Variants in DLG2 observed in about 807,000 individuals in gnomAD.
The protein encoded by DLG2 is discs large MAGUK scaffold protein 2.
In DLG2, 45 loss-of-function variants were observed where a neutral mutation model predicts 132.5. The ratio of observed to expected loss-of-function variants is 0.34; its 90% CI spans 0.27 to 0.44. The LOEUF is 0.44. Among genes scored for constraint, DLG2 ranks in the 20% least tolerant of loss-of-function variants. DLG2 has a pLI of 1.00. For synonymous variants in DLG2, 424 were observed against 419.6 expected (o/e 1.01, Z -0.13); for missense variants, 1,045 against 1,196.9 (o/e 0.87, Z 1.87).
chr11:83,892,158 ATCT>A (rs1195229961), intron 15 of DLG2, among the ~76,000 whole-genome samples: 2 of 152,310 alleles, frequency 1.3e-5, no homozygotes, highest in East Asian at 1.9e-4. Context: ...TGTTCACCTA[ATCT>A]TCTACTTATT....
At chr11:85,593,482 C>T (rs1465780619) in intron 3 of DLG2, among the ~76,000 whole-genome samples, 3 of 152,054 alleles carry the variant, frequency 2.0e-5, no homozygotes, top group Non-Finnish European at 2.9e-5. Flanking sequence ...GTGCTGAGGT[C>T]CAAGAACCAC....
intron 9 of DLG2, among the ~76,000 whole-genome samples, chr11:84,123,590 A>C (rs2094024741): frequency 6.6e-6 from 1 of 152,136 alleles, no homozygotes; most frequent in Non-Finnish European, 1.5e-5. Context: ...CTTACATTCA[A>C]TCCAACTCTG....
intron 6 of DLG2, among the ~76,000 whole-genome samples, chr11:84,780,312 T>C (rs1291413756): frequency 1.3e-5 from 2 of 151,882 alleles, no homozygotes; most frequent in Non-Finnish European, 1.5e-5. Context: ...AGAAAAAGCA[T>C]TTAATAAAAT....
chr11:85,244,303 A>G (rs2076032466), intron 4 of DLG2, among the ~76,000 whole-genome samples: 1 of 151,990 alleles, frequency 6.6e-6, no homozygotes, highest in Non-Finnish European at 1.5e-5. Context: ...TTCAGTCATC[A>G]TTGGCTAGTG....
chr11:84,319,564 A>C (rs2098391865), intron 7 of DLG2, among the ~76,000 whole-genome samples: 1 of 152,186 alleles, frequency 6.6e-6, no homozygotes, highest in Non-Finnish European at 1.5e-5. Flanking sequence ...TGCATCCATC[A>C]CAACTTTGTA....
Position 83,532,760 on chromosome 11 carries a change from C to A in DLG2, c.2141G>T (p.Arg714Leu). Residue 714 changes from arginine to leucine, a missense_variant, in exon 21 of 28, where the codon CGA becomes CTA. Physicochemically the swap from Arg to Leu is moderately radical, Grantham distance 102. This residue lies in a region of DLG2 where 398 missense variants were observed against 543.6 expected (regional missense o/e 0.73). Transcript: ENST00000376104. ...GGCATTAAACTTCACTGTCTTCAAT[C>A]GGGCACGTTCCTTTCTTTCCACCCT... ...KRRVERKERA[R>L]LKTVKFNAKP... The A allele has an allele frequency of 1.9e-6, 3 of 1,612,600 alleles. No homozygotes were observed. Among genetic ancestry groups the A allele is most frequent in the Non-Finnish European group, 2.5e-6 (3 of 1,179,208 alleles).
At chr11:84,942,327 T>A (rs536791851) in intron 6 of DLG2, among the ~76,000 whole-genome samples, 9 of 152,320 alleles carry the variant, frequency 5.9e-5, no homozygotes, top group Non-Finnish European at 1.0e-4. Flanking sequence ...TGGTTGTTTA[T>A]TTGAAGTTTT....
At chr11:85,319,490 T>C (rs1179277845) in intron 3 of DLG2, among the ~76,000 whole-genome samples, 1 of 151,870 alleles carries the variant, frequency 6.6e-6, no homozygotes, top group Non-Finnish European at 1.5e-5. Context: ...AAATGTTTTA[T>C]GGCTATATCA....
intron 6 of DLG2, among the ~76,000 whole-genome samples, chr11:84,829,894 C>T (rs2153992019): frequency 6.6e-6 from 1 of 151,746 alleles, no homozygotes; most frequent in Middle Eastern, 3.4e-3. Flanking sequence ...CTCAGGTCTA[C>T]ATTAAGAATG....
chr11:85,005,766 GA>G (rs1341133022), intron 6 of DLG2, among the ~76,000 whole-genome samples: 1 of 152,126 alleles, frequency 6.6e-6, no homozygotes, highest in East Asian at 1.9e-4. Flanking sequence ...ATACTATGTT[GA>G]ATAGGAGTGG....
chr11:84,711,025 T>TATAG (rs2060344379), intron 6 of DLG2, among the ~76,000 whole-genome samples: 1 of 100,516 alleles, frequency 9.9e-6, no homozygotes. Flanking sequence ...TATATATATA[T>TATAG]ATATATAGAG....
At chr11:84,470,617 C>A (rs185845361) in intron 7 of DLG2, among the ~76,000 whole-genome samples, 3 of 151,762 alleles carry the variant, frequency 2.0e-5, no homozygotes, top group African/African-American at 4.8e-5. Context: ...AAGTATGCAA[C>A]GTACCTATGT....
intron 11 of DLG2, among the ~76,000 whole-genome samples, chr11:84,005,373 A>T (rs1009863533): frequency 1.3e-5 from 2 of 152,000 alleles, no homozygotes; most frequent in African/African-American, 2.4e-5. Context: ...CCTTAAATGG[A>T]AGGCCTGAAA....
intron 9 of DLG2, among the ~76,000 whole-genome samples, chr11:84,102,661 T>C (rs2092627558): frequency 6.6e-6 from 1 of 152,120 alleles, no homozygotes; most frequent in South Asian, 2.1e-4. Context: ...CAGGCATTTA[T>C]TGAAAGGTTA....
At chr11:84,413,664 G>T (rs192447411) in intron 7 of DLG2, among the ~76,000 whole-genome samples, 2 of 152,120 alleles carry the variant, frequency 1.3e-5, no homozygotes, top group East Asian at 1.9e-4. Flanking sequence ...TCCCTGCAGG[G>T]TTCAGTCACA....
At chr11:83,562,928 G>T (rs2096636969) in intron 19 of DLG2, among the ~76,000 whole-genome samples, 1 of 150,952 alleles carries the variant, frequency 6.6e-6, no homozygotes, top group Non-Finnish European at 1.5e-5. Context: ...TGCACATGGG[G>T]AGTTGGCAGT....
intron 3 of DLG2, among the ~76,000 whole-genome samples, chr11:85,592,385 CTTAT>C (rs2079416956): frequency 6.6e-6 from 1 of 152,136 alleles, no homozygotes; most frequent in Admixed American, 6.6e-5. Context: ...ACAGTCAAGA[CTTAT>C]TTAAAGATCC....
intron 7 of DLG2, among the ~76,000 whole-genome samples, chr11:84,485,741 T>C (rs1191412111): frequency 6.6e-6 from 1 of 152,160 alleles, no homozygotes; most frequent in African/African-American, 2.4e-5. Context: ...AGGCATATAA[T>C]TGGGTACTCA....
intron 4 of DLG2, among the ~76,000 whole-genome samples, chr11:85,266,723 A>G (rs2077236198): frequency 6.6e-6 from 1 of 152,198 alleles, no homozygotes; most frequent in Non-Finnish European, 1.5e-5. Context: ...TGGGCAATCA[A>G]TGAAAATGTG....
Sources: gnomAD v4.1 joint callset for allele counts (sites outside exome capture counted in the v4.1 genomes callset) on GRCh38, gnomAD v4.1.1 for gene constraint, gnomAD v4.1.1 regional missense constraint, MANE v1.5 for transcripts, NCBI Gene and HGNC (gene_info 2026-07-23, HGNC 2026-07-21) for gene names.